ELAPOR1: variants seen among roughly 807,000 people sequenced by gnomAD.
ELAPOR1 encodes the protein endosome/lysosome-associated apoptosis and autophagy regulator 1.
Under a neutral mutation model 119.7 loss-of-function variants are expected in ELAPOR1, and 77 were observed. The ratio of observed to expected loss-of-function variants is 0.64; its 90% CI spans 0.54 to 0.78. ELAPOR1 has a LOEUF of 0.78. Ranked by LOEUF, ELAPOR1 falls within the 30% of genes least tolerant of loss-of-function variation. The pLI is 0.00. For synonymous variants in ELAPOR1, 481 were observed against 487.2 expected (o/e 0.99, Z 0.17); for missense variants, 1,115 against 1,270.4 (o/e 0.88, Z 1.86).
chr1:109,192,950 G>C, intron 14 of ELAPOR1, 76 bp downstream of exon 14: 1 of 1,516,280 alleles, frequency 6.6e-7, no homozygotes, highest in Non-Finnish European at 8.9e-7. Flanking sequence ...GTCCTGGGTA[G>C]GGTTCTTGAG....
At chr1:109,116,183 C>A (rs777765309) in intron 1 of ELAPOR1, among the ~76,000 whole-genome samples, 9 of 152,110 alleles carry the variant, frequency 5.9e-5, no homozygotes, top group Non-Finnish European at 1.2e-4. Context: ...TTTGAATAAC[C>A]AATATTTGCC....
intron 3 of ELAPOR1, 70 bp downstream of exon 3, chr1:109,164,761 C>A: frequency 7.0e-7 from 1 of 1,421,438 alleles, no homozygotes; most frequent in Non-Finnish European, 9.6e-7. Flanking sequence ...CACTGGACAG[C>A]CTCCTCCGCT....
chr1:109,173,854 T>C lies in ELAPOR1; in HGVS notation c.952+17T>C. The C allele has an allele frequency of 3.1e-6, 5 of 1,612,962 alleles. No individual in the cohort carries two copies. The highest frequency in any genetic ancestry group is 3.4e-6 in the Non-Finnish European group (4 of 1,179,438). ...AATACTCAGGTGATGTTTCTGAGGG[T>C]GGGAAGAGTTTGGGGATAGAGAGTA... On this transcript the variant is annotated intron_variant, in intron 7 of 21. Coordinates refer to ENST00000369939, the MANE Select transcript of ELAPOR1 (RefSeq NM_020775.5).
At position 109,200,077 on chromosome 1, in the gene ELAPOR1, C is replaced by T. The variant is rs191179466; in HGVS notation, c.2647C>T (p.Arg883Ter). ...CCAACAGAAGACTACTTACGTGTGGCGAGAACCCAAGCTATGCTCTGGTGG... is the reference window on the plus strand; with the variant it reads ...CCAACAGAAGACTACTTACGTGTGGTGAGAACCCAAGCTATGCTCTGGTGG... ...AGIQKTTYVWREPKLCSGGIS... is the reference protein window; with the variant it reads ...AGIQKTTYVW Residue 883 changes from arginine (R) to a stop codon, truncating the protein, a stop_gained, in exon 20 of 22, where the codon CGA becomes TGA. Coordinates refer to ENST00000369939, the MANE Select transcript of ELAPOR1 (RefSeq NM_020775.5). LOFTEE classifies it high-confidence loss of function. 5.0e-6 allele frequency: 8 copies of T among 1,614,108 alleles called. No individual in the cohort carries two copies. The highest frequency in any genetic ancestry group is 6.8e-6 in the Non-Finnish European group (8 of 1,179,994).
chr1:109,158,934 C>A (rs1170600860), intron 1 of ELAPOR1, among the ~76,000 whole-genome samples: 1 of 149,538 alleles, frequency 6.7e-6, no homozygotes, highest in South Asian at 2.1e-4. Flanking sequence ...CTTTTTTTGC[C>A]CAGGCTGGAG....
At chr1:109,181,807 T>A (rs1015167128) in intron 7 of ELAPOR1, among the ~76,000 whole-genome samples, 1 of 152,154 alleles carries the variant, frequency 6.6e-6, no homozygotes, top group Admixed American at 6.6e-5. Flanking sequence ...CAGCCAGTAG[T>A]TCCCACCTGT....
At chr1:109,174,413 T>TACAAAA (rs1652119591) in intron 7 of ELAPOR1, among the ~76,000 whole-genome samples, 1 of 42,034 alleles carries the variant, frequency 2.4e-5, no homozygotes, top group Non-Finnish European at 4.0e-5. Context: ...ACCCTGTCTC[T>TACAAAA]AAAAAAAAAA....
chr1:109,189,900 G>A (rs973523221), intron 11 of ELAPOR1, among the ~76,000 whole-genome samples: 1 of 151,884 alleles, frequency 6.6e-6, no homozygotes, highest in African/African-American at 2.4e-5. Flanking sequence ...TCTCTCTCCC[G>A]TATAGCTTCT....
At position 109,186,759 on chromosome 1, in the gene ELAPOR1, G is replaced by A. The variant is rs1199304872; in HGVS notation, c.1042-1418G>A. 4 of 985,448 alleles carry A rather than the reference G, an allele frequency of 4.1e-6. No homozygotes were observed. The East Asian group carries it at 4.5e-4, about 112-fold the overall frequency. The allele number at this position is 985,448 out of a possible 1,614,324, so 61.0% of individuals were successfully genotyped here. A position where few individuals can be genotyped will look rare whatever the true frequency, so the allele number is the denominator to read the frequency against. ...CTGTTCATAACATGTGACTGAATGT[G>A]GCTGTCTTTCCTCCCTTCTGCCCCA... is the stretch of plus-strand genomic sequence containing the variant. On this transcript the variant is annotated intron_variant, in intron 8 of 21. Transcript: ENST00000369939.
intron 15 of ELAPOR1, among the ~76,000 whole-genome samples, chr1:109,196,853 TTG>T (rs1368456720): frequency 2.0e-5 from 3 of 152,174 alleles, no homozygotes; most frequent in African/African-American, 7.2e-5. Context: ...CAGCTAATTT[TTG>T]TGTTTTTAGT....
chr1:109,139,239 A>AT (rs1203106401), intron 1 of ELAPOR1, among the ~76,000 whole-genome samples: 3 of 152,036 alleles, frequency 2.0e-5, no homozygotes, highest in Admixed American at 2.0e-4. Flanking sequence ...AGTCCCAGCC[A>AT]TTTGGGGAGC....
rs1439080240 is a variant in ELAPOR1 at position 109,203,968 on chromosome 1, G to A, written c.*956G>A. 6.6e-6 allele frequency: 1 copy of A among 151,808 alleles called. No individual in the cohort carries two copies. Among genetic ancestry groups the A allele is most frequent in the Non-Finnish European group, 1.5e-5 (1 of 68,020 alleles). The allele number at this position is 151,808 out of a possible 1,614,324, so 9.4% of individuals were successfully genotyped here. ...AGACAGGCTCTCACTCTGTCACCTA[G>A]GCTGGAGTGCAGTGGCATAATCACT... On this transcript the variant is annotated 3_prime_UTR_variant, in exon 22 of 22. Transcript: ENST00000369939.
At chr1:109,128,574 C>G (rs1456170108) in intron 1 of ELAPOR1, among the ~76,000 whole-genome samples, 1 of 152,154 alleles carries the variant, frequency 6.6e-6, no homozygotes, top group East Asian at 1.9e-4. Context: ...CTTGCCAGCC[C>G]CCTACAATAC....
At chr1:109,155,030 G>T (rs146343468) in intron 1 of ELAPOR1, among the ~76,000 whole-genome samples, 1 of 151,930 alleles carries the variant, frequency 6.6e-6, no homozygotes, top group Non-Finnish European at 1.5e-5. Flanking sequence ...TCTCCTCCCC[G>T]TCCCATCCTT....
intron 1 of ELAPOR1, among the ~76,000 whole-genome samples, chr1:109,122,609 C>T (rs923942036): frequency 5.9e-5 from 9 of 151,824 alleles, no homozygotes; most frequent in Non-Finnish European, 1.0e-4. Context: ...TACAGTGAGC[C>T]GTGATCAAGC....
At chr1:109,132,310 G>A (rs531153185) in intron 1 of ELAPOR1, among the ~76,000 whole-genome samples, 1 of 152,032 alleles carries the variant, frequency 6.6e-6, no homozygotes, top group East Asian at 1.9e-4. Flanking sequence ...ACCACATCCC[G>A]CTAATTTTTG....
chr1:109,117,407 A>T (rs572119195), intron 1 of ELAPOR1, among the ~76,000 whole-genome samples: 1 of 152,368 alleles, frequency 6.6e-6, no homozygotes, highest in South Asian at 2.1e-4. Context: ...GCTGCCTTTA[A>T]CACGCTCTAC....
chr1:109,201,215 A>G, intron 21 of ELAPOR1: 1 of 474,090 alleles, frequency 2.1e-6, no homozygotes, highest in Non-Finnish European at 4.1e-6. Flanking sequence ...ATCATCCCCT[A>G]CTCCTTTTTT....
chr1:109,133,255 T>C (rs552935814), intron 1 of ELAPOR1, among the ~76,000 whole-genome samples: 7 of 151,572 alleles, frequency 4.6e-5, no homozygotes, highest in African/African-American at 1.7e-4. Context: ...CAACTTAGAA[T>C]GACAAATGCA....
Sources: gnomAD v4.1 joint callset for allele counts (sites outside exome capture counted in the v4.1 genomes callset) on GRCh38, gnomAD v4.1.1 for gene constraint, MANE v1.5 for transcripts, NCBI Gene and HGNC (gene_info 2026-07-23, HGNC 2026-07-21) for gene names.